Variants in SLC10A7 observed in about 807,000 individuals in gnomAD.
SLC10A7 encodes solute carrier family 10 member 7, also known as sodium/bile acid cotransporter 7.
A neutral mutation model predicts 43.2 loss-of-function variants in SLC10A7; 29 were observed. The observed-to-expected ratio is 0.67, with a 90% CI of 0.50 to 0.92. The LOEUF (loss-of-function observed/expected upper bound fraction) is 0.92, where lower values mean the gene tolerates loss of function less well. Among genes scored for constraint, SLC10A7 ranks in the 40% least tolerant of loss-of-function variants. The pLI, the probability that SLC10A7 is intolerant of heterozygous loss-of-function variation, is 0.00. For missense variants in SLC10A7, 295 were observed against 403.2 expected, an observed-to-expected ratio of 0.73 and a Z score of 2.30; for synonymous variants, 152 against 144.8, an observed-to-expected ratio of 1.05 and a Z score of -0.35.
intron 5 of SLC10A7, among the ~76,000 whole-genome samples, chr4:146,410,657 C>A (rs1242919946): frequency 6.6e-6 from 1 of 152,156 alleles, no homozygotes; most frequent in African/African-American, 2.4e-5. Flanking sequence ...GCATGGATTA[C>A]AATCCAAGCC....
chr4:146,350,791 G>C (rs959940242), intron 5 of SLC10A7, among the ~76,000 whole-genome samples: 1 of 107,288 alleles, frequency 9.3e-6, no homozygotes, highest in Non-Finnish European at 1.8e-5. Context: ...TCACACGGCA[G>C]GGTATTCCAA....
chr4:146,415,562 C>T (rs1487127644), intron 5 of SLC10A7, among the ~76,000 whole-genome samples: 2 of 152,262 alleles, frequency 1.3e-5, no homozygotes, highest in Non-Finnish European at 2.9e-5. Flanking sequence ...GACTCCAGAA[C>T]CAGTCTCATT....
At chr4:146,459,243 T>A (rs1406481003) in intron 4 of SLC10A7, among the ~76,000 whole-genome samples, 3 of 151,780 alleles carry the variant, frequency 2.0e-5, no homozygotes, top group Non-Finnish European at 4.4e-5. Context: ...ATCCTTGATA[T>A]TAAGGTGTCA....
chr4:146,276,027 C>G (rs1435329385), intron 10 of SLC10A7, among the ~76,000 whole-genome samples: 1 of 152,116 alleles, frequency 6.6e-6, no homozygotes, highest in Non-Finnish European at 1.5e-5. Context: ...AGGGATCACT[C>G]CCGCACATCC....
At chr4:146,413,963 G>A (rs748101079) in intron 5 of SLC10A7, among the ~76,000 whole-genome samples, 1 of 152,136 alleles carries the variant, frequency 6.6e-6, no homozygotes, top group Non-Finnish European at 1.5e-5. Flanking sequence ...TGATCCAAGG[G>A]AACTTTTAAT....
chr4:146,490,737 T>C (rs1433667906), intron 4 of SLC10A7, among the ~76,000 whole-genome samples: 1 of 152,162 alleles, frequency 6.6e-6, no homozygotes, highest in Non-Finnish European at 1.5e-5. Flanking sequence ...AAAAAAAACA[T>C]ATGCCCAATC....
At chr4:146,393,291 A>C (rs535699805) in intron 5 of SLC10A7, among the ~76,000 whole-genome samples, 1 of 148,798 alleles carries the variant, frequency 6.7e-6, no homozygotes, top group Admixed American at 6.7e-5. Flanking sequence ...TTTAAAATTT[A>C]GCTTTTATAA....
At chr4:146,452,047 G>T (rs921972831) in intron 4 of SLC10A7, among the ~76,000 whole-genome samples, 3 of 151,952 alleles carry the variant, frequency 2.0e-5, no homozygotes, top group African/African-American at 7.2e-5. Flanking sequence ...CTAATTTTCT[G>T]GTACTTGAAG....
chr4:146,512,392 T>C (rs1283140171), intron 2 of SLC10A7, among the ~76,000 whole-genome samples: 1 of 152,188 alleles, frequency 6.6e-6, no homozygotes, highest in Non-Finnish European at 1.5e-5. Context: ...TGACTAGGAA[T>C]TTATCCTAAA....
chr4:146,273,454 C>A (rs899478407), intron 10 of SLC10A7, among the ~76,000 whole-genome samples: 1 of 152,040 alleles, frequency 6.6e-6, no homozygotes, highest in African/African-American at 2.4e-5. Flanking sequence ...GATGATCTTA[C>A]CCTAACCCCC....
chr4:146,286,247 C>T (rs1285449656), intron 9 of SLC10A7, among the ~76,000 whole-genome samples: 32 of 15,970 alleles, frequency 2.0e-3, no homozygotes, highest in African/African-American at 0.011. Flanking sequence ...TGAGAAGGAT[C>T]ATGTTTGGAG....
chr4:146,435,573 C>A (rs1438222978), intron 5 of SLC10A7, among the ~76,000 whole-genome samples: 5 of 152,150 alleles, frequency 3.3e-5, no homozygotes, highest in Non-Finnish European at 2.9e-5. Context: ...AATCGTTTGG[C>A]TCACCACACT....
chr4:146,387,776 A>C (rs1314947345), intron 5 of SLC10A7, among the ~76,000 whole-genome samples: 1 of 152,234 alleles, frequency 6.6e-6, no homozygotes, highest in East Asian at 1.9e-4. Flanking sequence ...ACATTTCTAT[A>C]TATCAATGGC....
chr4:146,369,572 G>T (rs1174869224), intron 5 of SLC10A7, among the ~76,000 whole-genome samples: 1 of 152,110 alleles, frequency 6.6e-6, no homozygotes, highest in East Asian at 1.9e-4. Flanking sequence ...ATGATTCAGT[G>T]AACTTTCACC....
At chr4:146,426,283 C>T (rs1488129895) in intron 5 of SLC10A7, among the ~76,000 whole-genome samples, 1 of 152,110 alleles carries the variant, frequency 6.6e-6, no homozygotes, top group Non-Finnish European at 1.5e-5. Flanking sequence ...CCATCAAAGC[C>T]AAAGAAAGAG....
intron 5 of SLC10A7, among the ~76,000 whole-genome samples, chr4:146,418,856 C>T (rs1728760384): frequency 6.6e-6 from 1 of 152,232 alleles, no homozygotes; most frequent in Non-Finnish European, 1.5e-5. Flanking sequence ...CAGGTTGTGG[C>T]TTGTGCTTCT....
intron 5 of SLC10A7, among the ~76,000 whole-genome samples, chr4:146,338,483 G>A (rs1265208347): frequency 6.6e-6 from 1 of 151,916 alleles, no homozygotes; most frequent in East Asian, 1.9e-4. Context: ...CAGAATCCAA[G>A]ATCTCTACCA....
chr4:146,342,105 T>A (rs1241278110), intron 5 of SLC10A7, among the ~76,000 whole-genome samples: 2 of 151,820 alleles, frequency 1.3e-5, no homozygotes, highest in Non-Finnish European at 3.0e-5. Flanking sequence ...TTTATACAGT[T>A]TTCTTAAGAT....
At chr4:146,281,348 C>T (rs1020754102) in intron 10 of SLC10A7, among the ~76,000 whole-genome samples, 3 of 147,522 alleles carry the variant, frequency 2.0e-5, no homozygotes. Context: ...TTCTGGTTTT[C>T]CTGACAAAAG....
Sources: allele counts gnomAD v4.1 joint callset (sites outside exome capture counted in the v4.1 genomes callset), GRCh38; gene constraint gnomAD v4.1.1; transcripts MANE v1.5; gene names NCBI Gene and HGNC (gene_info 2026-07-23, HGNC 2026-07-21).